The following SCAPER variants were observed in gnomAD, a reference collection of about 807,000 sequenced individuals.
SCAPER encodes S phase cyclin A-associated protein in the endoplasmic reticulum.
SCAPER carries 98 observed loss-of-function variants against 182.2 expected under a neutral mutation model. The observed-to-expected ratio is 0.54, with a 90% CI of 0.46 to 0.64. SCAPER has a LOEUF of 0.64. SCAPER is among the 30% of genes least tolerant of loss of function. The pLI is 0.00. For missense variants in SCAPER, 1,432 were observed against 1,690.0 expected (o/e 0.85, Z 2.68); for synonymous variants, 605 against 564.6 (o/e 1.07, Z -1.01).
chr15:76,656,918 T>C (rs36070630), intron 21 of SCAPER, among the ~76,000 whole-genome samples: 57,999 of 152,072 alleles, frequency 0.38, 13,062 homozygotes, highest in Middle Eastern at 0.52. Flanking sequence ...GGGAAGTTTA[T>C]AGTGCTAAAC....
chr15:76,726,769 A>T (rs539889097), intron 17 of SCAPER, among the ~76,000 whole-genome samples: 14 of 152,048 alleles, frequency 9.2e-5, no homozygotes, highest in Non-Finnish European at 1.9e-4. Context: ...CTTATATAAG[A>T]TCCCTAAAGC....
chr15:76,375,772 T>A (rs1228148153), intron 29 of SCAPER, among the ~76,000 whole-genome samples: 1 of 152,106 alleles, frequency 6.6e-6, no homozygotes, highest in Non-Finnish European at 1.5e-5. Flanking sequence ...CACCTGAGGG[T>A]CAGGAGTTCA....
intron 29 of SCAPER, among the ~76,000 whole-genome samples, chr15:76,362,962 G>A (rs986612717): frequency 6.6e-6 from 1 of 152,058 alleles, no homozygotes; most frequent in Non-Finnish European, 1.5e-5. Context: ...TCCATATTGT[G>A]TTATTTTTAT....
chr15:76,674,016 A>C (rs997855354), intron 20 of SCAPER, among the ~76,000 whole-genome samples: 1 of 151,876 alleles, frequency 6.6e-6, no homozygotes, highest in Admixed American at 6.6e-5. Context: ...TTGGAGGATA[A>C]TAGGAAACCA....
intron 23 of SCAPER, among the ~76,000 whole-genome samples, chr15:76,563,831 T>C (rs1004983357): frequency 1.3e-5 from 2 of 152,150 alleles, no homozygotes; most frequent in Admixed American, 1.3e-4. Context: ...GTAGGTCTCA[T>C]CTCTGGAATG....
intron 5 of SCAPER, among the ~76,000 whole-genome samples, chr15:76,808,789 C>T (rs1198077773): frequency 6.6e-6 from 1 of 152,166 alleles, no homozygotes; most frequent in Non-Finnish European, 1.5e-5. Context: ...TACGCATCTG[C>T]CAGGCCCCTG....
chr15:76,887,348 G>A (rs1411475994), intron 1 of SCAPER, among the ~76,000 whole-genome samples: 1 of 152,150 alleles, frequency 6.6e-6, no homozygotes, highest in African/African-American at 2.4e-5. Context: ...AGCAGGCCGG[G>A]GCATCGCCTC....
At position 76,404,686 on chromosome 15, in the gene SCAPER, A is replaced by G. The variant is rs10152513; in HGVS notation, c.3312-7T>C. ...ACCCATGTTCACCACGTAGCTAGAT[A>G]TGGGGGAGAAATGCATGTTATCAAT... On this transcript the variant is annotated splice_region_variant and splice_polypyrimidine_tract_variant and intron_variant, in intron 26 of 31. Transcript: ENST00000563290. The G allele has an allele frequency of 1.4e-3, 2,180 of 1,607,848 alleles. 28 individuals carry two copies. The African/African-American group carries it at 0.025, about 18-fold the overall frequency.
At chr15:76,457,572 G>C (rs1243746290) in intron 25 of SCAPER, among the ~76,000 whole-genome samples, 1 of 152,138 alleles carries the variant, frequency 6.6e-6, no homozygotes, top group Non-Finnish European at 1.5e-5. Context: ...GCTTGAAGGA[G>C]TTACAACACA....
At chr15:76,731,149 A>G (rs1226348864) in intron 16 of SCAPER, among the ~76,000 whole-genome samples, 1 of 152,198 alleles carries the variant, frequency 6.6e-6, no homozygotes, top group Non-Finnish European at 1.5e-5. Context: ...AATAATATAC[A>G]CTATGAATCT....
intron 23 of SCAPER, among the ~76,000 whole-genome samples, chr15:76,511,843 A>ATGTG (rs1555461783): frequency 0.023 from 2,817 of 123,204 alleles, 138 homozygotes; most frequent in African/African-American, 0.091. Flanking sequence ...ATATATATAT[A>ATGTG]TGTGTGTGTG....
At chr15:76,674,968 G>A (rs890268964) in intron 20 of SCAPER, among the ~76,000 whole-genome samples, 2 of 152,144 alleles carry the variant, frequency 1.3e-5, no homozygotes, top group African/African-American at 2.4e-5. Context: ...ACTTTCGGAA[G>A]CAGAAAGAAA....
chr15:76,704,041 T>A (rs1374331063), intron 18 of SCAPER, among the ~76,000 whole-genome samples: 1 of 152,196 alleles, frequency 6.6e-6, no homozygotes, highest in African/African-American at 2.4e-5. Flanking sequence ...AAAAATTTTC[T>A]AGAAAGTATC....
chr15:76,466,416 CTTCTTTTT>C (rs1304893272), intron 25 of SCAPER, among the ~76,000 whole-genome samples: 3 of 36,796 alleles, frequency 8.2e-5, no homozygotes, highest in African/African-American at 2.2e-4. Context: ...TTGGTTGGTT[CTTCTTTTT>C]TTTTTTTTTT....
At chr15:76,415,175 A>G (rs1348018613) in intron 26 of SCAPER, among the ~76,000 whole-genome samples, 1 of 152,186 alleles carries the variant, frequency 6.6e-6, no homozygotes, top group Non-Finnish European at 1.5e-5. Context: ...GATGATGGGA[A>G]CTAAAATTTG....
At chr15:76,746,980 G>A (rs2061828055) in intron 15 of SCAPER, among the ~76,000 whole-genome samples, 2 of 152,160 alleles carry the variant, frequency 1.3e-5, no homozygotes, top group Admixed American at 6.5e-5. Context: ...AACGCCAACA[G>A]GCTTTTTTGC....
At chr15:76,422,685 CCT>C (rs1335557339) in intron 26 of SCAPER, among the ~76,000 whole-genome samples, 2 of 152,110 alleles carry the variant, frequency 1.3e-5, no homozygotes. Context: ...AGGGGGCATC[CCT>C]GTCTTGTGCC....
intron 17 of SCAPER, among the ~76,000 whole-genome samples, chr15:76,706,754 C>T (rs895027572): frequency 3.9e-5 from 6 of 152,082 alleles, no homozygotes; most frequent in Non-Finnish European, 5.9e-5. Context: ...TTTTAACTCA[C>T]ACAGCATGCA....
At chr15:76,676,259 C>G (rs1234697186) in intron 20 of SCAPER, among the ~76,000 whole-genome samples, 2 of 152,202 alleles carry the variant, frequency 1.3e-5, no homozygotes, top group African/African-American at 4.8e-5. Flanking sequence ...TAACACCCCA[C>G]TTCCTTCACC....
Sources: allele counts gnomAD v4.1 joint callset (sites outside exome capture counted in the v4.1 genomes callset), GRCh38; gene constraint gnomAD v4.1.1; transcripts MANE v1.5; gene names NCBI Gene and HGNC (gene_info 2026-07-23, HGNC 2026-07-21).